Variants in PHKB observed in about 807,000 individuals in gnomAD.
PHKB encodes the protein phosphorylase b kinase regulatory subunit beta.
Under a neutral mutation model 152.1 loss-of-function variants are expected in PHKB, and 122 were observed. That is an observed-to-expected ratio of 0.80 (90% CI 0.69 to 0.93). The LOEUF (loss-of-function observed/expected upper bound fraction) is 0.93, where lower values mean the gene tolerates loss of function less well. Among genes scored for constraint, PHKB ranks in the 40% least tolerant of loss-of-function variants. The pLI, the probability that PHKB is intolerant of heterozygous loss-of-function variation, is 0.00. For synonymous variants in PHKB, 436 were observed against 464.9 expected (o/e 0.94, Z 0.80); for missense variants, 1,304 against 1,328.4 (o/e 0.98, Z 0.29).
chr16:47,650,474 C>A, intron 18 of PHKB, 70 bp from the exon 19 acceptor site: 1 of 905,520 alleles, frequency 1.1e-6, no homozygotes, highest in Non-Finnish European at 1.9e-6. Context: ...GGCTCTTTGG[C>A]ACTCATGGTT....
Position 47,506,185 on chromosome 16 carries a change from C to CA in PHKB, c.405+3105dup, listed in dbSNP as rs1271698464. On this transcript the variant is annotated intron_variant, in intron 4 of 30. Coordinates refer to ENST00000323584, the MANE Select transcript of PHKB (RefSeq NM_000293.3). ...TGGGCAACAGAGTGAGACTCCGCCT[C>CA]AAAAAAAAAAGAAAAGAAAGAAAAA... Among the ~76,000 whole-genome samples, 1,247 of 125,576 alleles carry CA rather than the reference C, an allele frequency of 9.9e-3. 23 individuals carry two copies. Among genetic ancestry groups the CA allele is most frequent in the African/African-American group, 0.03 (1,034 of 33,918 alleles). The allele number at this position is 125,576 out of a possible 152,430, so 82.4% of individuals were successfully genotyped here. A position where few individuals can be genotyped will look rare whatever the true frequency, so the allele number is the denominator to read the frequency against.
At chr16:47,611,468 A>G (rs1211778530) in intron 14 of PHKB, among the ~76,000 whole-genome samples, 1 of 152,168 alleles carries the variant, frequency 6.6e-6, no homozygotes, top group African/African-American at 2.4e-5. Flanking sequence ...ATTAAATGAT[A>G]CCAGTAATGA....
At chr16:47,655,678 T>C (rs191335710) in intron 20 of PHKB, among the ~76,000 whole-genome samples, 1 of 152,284 alleles carries the variant, frequency 6.6e-6, no homozygotes, top group Admixed American at 6.5e-5. Context: ...TTGGGAAACT[T>C]TTTGCTTATA....
At position 47,518,585 on chromosome 16, in the gene PHKB, AC is replaced by A. The variant is rs574508832; in HGVS notation, c.594+2985del. 8.3e-3 allele frequency among the ~76,000 whole-genome samples: 1,257 copies of A among 152,326 alleles called. 10 individuals carry two copies. Among genetic ancestry groups the A allele is most frequent in the Non-Finnish European group, 0.013 (903 of 68,030 alleles). On this transcript the variant is annotated intron_variant, in intron 6 of 30. Coordinates refer to ENST00000323584, the MANE Select transcript of PHKB (RefSeq NM_000293.3). Reference sequence around the variant, plus strand: ...TTTTCTAACATCTTTCGTTGCCTACACAGGCGTACCATGTTTCCTTGGTATC... The same window carrying A: ...TTTTCTAACATCTTTCGTTGCCTACAAGGCGTACCATGTTTCCTTGGTATC...
At position 47,464,015 on chromosome 16, in the gene PHKB, A is replaced by G. The variant is rs764234466; in HGVS notation, c.76+2589A>G. ...TCTGGTAAGTGTTGTAGACCCCAAA[A>G]GGGTCACTTGGTAATTTTAAATACC... On this transcript the variant is annotated intron_variant, in intron 1 of 30. Transcript: ENST00000323584. 1.8e-4 allele frequency: 256 copies of G among 1,406,776 alleles called. 1 individual carries two copies. The highest frequency in any genetic ancestry group is 6.4e-4 in the Admixed American group (38 of 59,766). The allele number at this position is 1,406,776 out of a possible 1,614,324, so 87.1% of individuals were successfully genotyped here. A position where few individuals can be genotyped will look rare whatever the true frequency, so the allele number is the denominator to read the frequency against.
intron 7 of PHKB, among the ~76,000 whole-genome samples, chr16:47,550,558 A>G (rs1341000097): frequency 6.6e-6 from 1 of 152,198 alleles, no homozygotes; most frequent in African/African-American, 2.4e-5. Context: ...ACAGAGCATA[A>G]TCTGAGTGTT....
In PHKB at chr16:47,610,159, ATTTTTTTTT is replaced by A. The variant is rs371224839; in HGVS notation, c.1364-652_1364-644del. Among the ~76,000 whole-genome samples, 4 of 99,446 alleles carry A rather than the reference ATTTTTTTTT, an allele frequency of 4.0e-5. No individual in the cohort carries two copies. In the Admixed American group the frequency reaches 5.1e-4, roughly 13 times the overall value. 65.2% of individuals were successfully genotyped at this position (99,446 alleles called of 152,430 possible). ...AGGCACACACAACCATGCCCAGCTA[ATTTTTTTTT>A]TTTTTTTTTTTTTTGTATTTTTAGT... On this transcript the variant is annotated intron_variant, in intron 13 of 30. Coordinates refer to ENST00000323584, the MANE Select transcript of PHKB (RefSeq NM_000293.3).
intron 16 of PHKB, among the ~76,000 whole-genome samples, chr16:47,644,558 G>A (rs758515580): frequency 1.3e-5 from 2 of 152,046 alleles, no homozygotes; most frequent in African/African-American, 2.4e-5. Context: ...ATTTGAAATC[G>A]GTCCAAATCA....
chr16:47,694,504 G>A (rs527808769), intron 28 of PHKB, among the ~76,000 whole-genome samples: 1 of 152,234 alleles, frequency 6.6e-6, no homozygotes, highest in East Asian at 1.9e-4. Context: ...CTGTGTGAGT[G>A]GGAGGATGGT....
intron 6 of PHKB, among the ~76,000 whole-genome samples, chr16:47,528,409 C>A (rs1284466482): frequency 6.6e-6 from 1 of 152,140 alleles, no homozygotes; most frequent in Non-Finnish European, 1.5e-5. Context: ...AGTTAATAGG[C>A]ACATTTTATC....
chr16:47,461,446 C>T lies in PHKB; in HGVS notation c.76+20C>T, dbSNP rs201914873. ...GCTCAGGTTTGGCTGGCTGGGGCGC[C>T]GCCCCCCACCCGAGTACCTTGGGTG... On this transcript the variant is annotated intron_variant, in intron 1 of 30. Transcript: ENST00000323584. The T allele has an allele frequency of 4.7e-5, 75 of 1,611,924 alleles. 1 individual carries two copies. In the East Asian group the frequency reaches 1.6e-3, roughly 35 times the overall value.
chr16:47,535,730 C>T (rs1323242435), intron 6 of PHKB, among the ~76,000 whole-genome samples: 3 of 152,140 alleles, frequency 2.0e-5, no homozygotes, highest in Non-Finnish European at 4.4e-5. Context: ...CAATCTCAAA[C>T]GTTATTGTTG....
intron 5 of PHKB, among the ~76,000 whole-genome samples, chr16:47,514,531 G>T (rs150802697): frequency 6.6e-6 from 1 of 152,168 alleles, no homozygotes; most frequent in East Asian, 1.9e-4. Flanking sequence ...CTGCCTTTTT[G>T]TTCCATCTGG....
chr16:47,688,208 G>A (rs1159230478), intron 26 of PHKB, among the ~76,000 whole-genome samples: 1 of 152,170 alleles, frequency 6.6e-6, no homozygotes, highest in Non-Finnish European at 1.5e-5. Context: ...ATGAAGCATA[G>A]GAATCTGCTG....
chr16:47,575,307 C>T (rs771509733), intron 7 of PHKB, among the ~76,000 whole-genome samples: 2 of 152,194 alleles, frequency 1.3e-5, no homozygotes, highest in Non-Finnish European at 2.9e-5. Context: ...TCTCGAATAA[C>T]TTAAAATAGC....
intron 14 of PHKB, among the ~76,000 whole-genome samples, chr16:47,612,867 C>T (rs1346550059): frequency 6.6e-6 from 1 of 152,112 alleles, no homozygotes; most frequent in Admixed American, 6.6e-5. Context: ...TGTCTGTTCC[C>T]GGGGCTGGGT....
chr16:47,657,384 A>G (rs1973358111), intron 20 of PHKB, among the ~76,000 whole-genome samples: 1 of 152,216 alleles, frequency 6.6e-6, no homozygotes, highest in African/African-American at 2.4e-5. Context: ...GGAGAGCCCA[A>G]CAGAAAACAA....
chr16:47,661,090 T>G (rs1973436127), intron 22 of PHKB, among the ~76,000 whole-genome samples: 1 of 152,196 alleles, frequency 6.6e-6, no homozygotes, highest in South Asian at 2.1e-4. Flanking sequence ...TCAATGATAG[T>G]TGCCTTTGGG....
chr16:47,503,907 T>A (rs1970367326), intron 4 of PHKB, among the ~76,000 whole-genome samples: 1 of 152,158 alleles, frequency 6.6e-6, no homozygotes, highest in Non-Finnish European at 1.5e-5. Flanking sequence ...TAACAACATT[T>A]AAAAAACTAT....
Sources: gnomAD v4.1 joint callset for allele counts (sites outside exome capture counted in the v4.1 genomes callset) on GRCh38, gnomAD v4.1.1 for gene constraint, MANE v1.5 for transcripts, NCBI Gene and HGNC (gene_info 2026-07-23, HGNC 2026-07-21) for gene names.